The following SEPTIN7 variants were observed in gnomAD, a reference collection of about 807,000 sequenced individuals.
SEPTIN7 encodes the protein septin-7.
A neutral mutation model predicts 63.3 loss-of-function variants in SEPTIN7; 10 were observed. The observed-to-expected ratio is 0.16, with a 90% CI of 0.10 to 0.27. The LOEUF is 0.27. SEPTIN7 is among the 10% of genes least tolerant of loss of function. SEPTIN7 has a pLI of 1.00. For synonymous variants in SEPTIN7, 131 were observed against 165.3 expected (o/e 0.79, Z 1.59); for missense variants, 310 against 521.0 (o/e 0.59, Z 3.94).
intron 1 of SEPTIN7, among the ~76,000 whole-genome samples, chr7:35,827,285 A>T (rs536979483): frequency 6.6e-6 from 1 of 151,560 alleles, no homozygotes; most frequent in Admixed American, 6.6e-5. Context: ...CATACTTATA[A>T]ATGCCACAAT....
At chr7:35,880,336 T>G (rs1786801847) in intron 7 of SEPTIN7, among the ~76,000 whole-genome samples, 1 of 151,538 alleles carries the variant, frequency 6.6e-6, no homozygotes, top group Admixed American at 6.6e-5. Context: ...CACTCCCCAT[T>G]TTGTCATGGT....
intron 1 of SEPTIN7, among the ~76,000 whole-genome samples, chr7:35,818,984 C>T (rs1487156773): frequency 3.3e-5 from 5 of 151,620 alleles, no homozygotes; most frequent in South Asian, 2.1e-4. Context: ...TAATCATTTC[C>T]TTATTTTGTT....
At chr7:35,915,175 A>ATGTGTACATATATATACACACG in the SEPTIN7 span, among the ~76,000 whole-genome samples, 1 of 133,362 alleles carries the variant, frequency 7.5e-6, no homozygotes, top group Admixed American at 7.8e-5. Flanking sequence ...ATATACACAC[A>ATGTGTACATATATATACACACG]TATACATATA....
At chr7:35,860,280 G>A (rs1028969240) in intron 3 of SEPTIN7, among the ~76,000 whole-genome samples, 2 of 151,652 alleles carry the variant, frequency 1.3e-5, no homozygotes, top group African/African-American at 4.8e-5. Flanking sequence ...TATTGATGTC[G>A]TAAATTACAT....
At chr7:35,847,782 G>C (rs1784759152) in intron 3 of SEPTIN7, 2 of 152,122 alleles carry the variant, frequency 1.3e-5, no homozygotes, top group South Asian at 4.1e-4. Context: ...ATCATGGTAT[G>C]ATTCAAATAC....
intron 9 of SEPTIN7, among the ~76,000 whole-genome samples, chr7:35,884,509 C>T (rs908150080): frequency 1.3e-5 from 2 of 152,150 alleles, no homozygotes; most frequent in African/African-American, 4.8e-5. Context: ...TATTTGAAAA[C>T]ATAACTAAAA....
intron 4 of SEPTIN7, among the ~76,000 whole-genome samples, chr7:35,867,883 T>C (rs1395028826): frequency 6.6e-6 from 1 of 151,862 alleles, no homozygotes; most frequent in Non-Finnish European, 1.5e-5. Context: ...TTTTTTTTTT[T>C]CTTTCCGAGA....
At chr7:35,886,843 T>C (rs1390756291) in intron 10 of SEPTIN7, among the ~76,000 whole-genome samples, 2 of 152,208 alleles carry the variant, frequency 1.3e-5, no homozygotes, top group Non-Finnish European at 2.9e-5. Context: ...AGGGGGAAAA[T>C]TTAAGACAGT....
At position 35,801,068 on chromosome 7, in the gene SEPTIN7, A is replaced by AG; in HGVS notation, c.-141dup. 1.9e-6 allele frequency: 1 copy of AG among 538,214 alleles called. No individual in the cohort carries two copies. Among genetic ancestry groups the AG allele is most frequent in the East Asian group, 3.5e-5 (1 of 28,340 alleles). The allele number at this position is 538,214 out of a possible 1,614,324, so 33.3% of individuals were successfully genotyped here. On this transcript the variant is annotated 5_prime_UTR_variant, in exon 1 of 14. Coordinates refer to ENST00000350320, the MANE Select transcript of SEPTIN7 (RefSeq NM_001788.6). ...GAGGAGGGAGCGGGAGTCGAGCGAG[A>AG]GCCTGTGGAGGAGTCCGCCTGCTGT...
intron 6 of SEPTIN7, among the ~76,000 whole-genome samples, chr7:35,876,425 T>G (rs897898402): frequency 6.6e-6 from 1 of 152,230 alleles, no homozygotes; most frequent in Non-Finnish European, 1.5e-5. Flanking sequence ...GTCATGAATA[T>G]GAATTGAAAA....
intron 3 of SEPTIN7, chr7:35,847,988 A>C (rs192526342): frequency 1.7e-4 from 26 of 152,178 alleles, no homozygotes; most frequent in Non-Finnish European, 3.5e-4. Flanking sequence ...CCCGTCTTCT[A>C]TCCATTAGAT....
chr7:35,833,441 C>T (rs1783932995), intron 3 of SEPTIN7, among the ~76,000 whole-genome samples: 1 of 151,970 alleles, frequency 6.6e-6, no homozygotes, highest in Non-Finnish European at 1.5e-5. Context: ...TCCATGAACA[C>T]ATTACCCTGC....
intron 10 of SEPTIN7, among the ~76,000 whole-genome samples, chr7:35,886,180 TA>T (rs1426020574): frequency 6.6e-6 from 1 of 152,246 alleles, no homozygotes; most frequent in Non-Finnish European, 1.5e-5. Context: ...TCTTTTTTCT[TA>T]ATGTGAAAAC....
chr7:35,818,395 C>T (rs1044701507), intron 1 of SEPTIN7, among the ~76,000 whole-genome samples: 2 of 151,762 alleles, frequency 1.3e-5, no homozygotes, highest in African/African-American at 4.8e-5. Flanking sequence ...ATGTTTTTTT[C>T]CATCCATATA....
intron 10 of SEPTIN7, among the ~76,000 whole-genome samples, chr7:35,889,916 T>C (rs555963046): frequency 3.3e-5 from 5 of 152,212 alleles, no homozygotes; most frequent in South Asian, 2.1e-4. Flanking sequence ...ATGGCAGATA[T>C]AGGAAGTTTG....
At chr7:35,873,349 A>G (rs1166635465) in intron 5 of SEPTIN7, among the ~76,000 whole-genome samples, 1 of 152,016 alleles carries the variant, frequency 6.6e-6, no homozygotes, top group African/African-American at 2.4e-5. Flanking sequence ...ACTGCATATA[A>G]TTGTTTTCAT....
In SEPTIN7 at chr7:35,884,714, C is replaced by T. The variant is rs114901893; in HGVS notation, c.820+727C>T. Among the ~76,000 whole-genome samples the T allele has an allele frequency of 2.6e-3, 403 of 152,158 alleles. 1 individual carries two copies. The highest frequency in any genetic ancestry group is 9.3e-3 in the African/African-American group (386 of 41,516). On this transcript the variant is annotated intron_variant, in intron 9 of 13. Transcript: ENST00000350320. ...TCTTCTTTCCTCAGTGCAAAAGTTG[C>T]CCTTTTTGATATCTCATATTTAGAG...
chr7:35,884,041 A>T (rs1459389677), intron 9 of SEPTIN7, 54 bp downstream of exon 9: 1 of 1,118,962 alleles, frequency 8.9e-7, no homozygotes. Flanking sequence ...CTGATTAAAA[A>T]TTTGTATTTA....
intron 11 of SEPTIN7, among the ~76,000 whole-genome samples, chr7:35,891,688 A>G (rs1394967721): frequency 1.3e-5 from 2 of 152,196 alleles, no homozygotes; most frequent in African/African-American, 2.4e-5. Flanking sequence ...ACTGTACACT[A>G]CTGTGGACTT....
Sources: gnomAD v4.1 joint callset for allele counts (sites outside exome capture counted in the v4.1 genomes callset) on GRCh38, gnomAD v4.1.1 for gene constraint, MANE v1.5 for transcripts, NCBI Gene and HGNC (gene_info 2026-07-23, HGNC 2026-07-21) for gene names.